Variants in KCNK2 observed in about 807,000 individuals in gnomAD.
The protein encoded by KCNK2 is potassium channel subfamily K member 2.
In KCNK2, 21 loss-of-function variants were observed where a neutral mutation model predicts 40.5. The ratio of observed to expected loss-of-function variants is 0.52; its 90% CI spans 0.37 to 0.75. The LOEUF is 0.75. Among genes scored for constraint, KCNK2 ranks in the 30% least tolerant of loss-of-function variants. The pLI is 0.00. For missense variants in KCNK2, 399 were observed against 531.6 expected, an observed-to-expected ratio of 0.75 and a Z score of 2.45; for synonymous variants, 191 against 202.2, an observed-to-expected ratio of 0.94 and a Z score of 0.47.
At chr1:215,119,403 T>C (rs1661083121) in intron 2 of KCNK2, among the ~76,000 whole-genome samples, 1 of 152,180 alleles carries the variant, frequency 6.6e-6, no homozygotes, top group African/African-American at 2.4e-5. Context: ...AAAGCCACCA[T>C]TGTCATGGAA....
chr1:215,203,969 T>A (rs550112742), intron 6 of KCNK2, among the ~76,000 whole-genome samples: 6 of 119,640 alleles, frequency 5.0e-5, no homozygotes, highest in South Asian at 5.7e-4. Context: ...ACCCGGGAGG[T>A]GGAGCTTGCA....
chr1:215,105,359 AGC>A (rs1217573960), intron 2 of KCNK2, among the ~76,000 whole-genome samples: 19 of 152,212 alleles, frequency 1.2e-4, no homozygotes, highest in African/African-American at 3.8e-4. Context: ...TGGTTTACTT[AGC>A]GTAGTATTAT....
intron 3 of KCNK2, among the ~76,000 whole-genome samples, chr1:215,162,320 G>C (rs1399673460): frequency 3.9e-5 from 6 of 151,996 alleles, no homozygotes; most frequent in Non-Finnish European, 5.9e-5. Flanking sequence ...CTGGATATTA[G>C]CCCTTTGTCA....
intron 1 of KCNK2, among the ~76,000 whole-genome samples, chr1:215,036,317 C>A (rs1379147422): frequency 6.6e-6 from 1 of 151,840 alleles, no homozygotes; most frequent in Non-Finnish European, 1.5e-5. Flanking sequence ...CACTGAAATT[C>A]TCTGATGCCT....
intron 3 of KCNK2, among the ~76,000 whole-genome samples, chr1:215,148,084 T>TTTC (rs1662511361): frequency 1.9e-4 from 2 of 10,488 alleles, no homozygotes; most frequent in African/African-American, 8.6e-4. Context: ...CTTTTCCTTT[T>TTTC]TTTTTTTTTT....
rs536934197 is a variant in KCNK2, at chr1:215,194,763, T to C, written c.824-190T>C. ...TTTCATTAAGAAAAACAACTTGTTC[T>C]TGAAAAATAGGTAAGAATTACGAGT... On this transcript the variant is annotated intron_variant, in intron 5 of 6. Transcript: ENST00000444842. Among the ~76,000 whole-genome samples, 80 of 152,254 alleles carry C rather than the reference T, an allele frequency of 5.3e-4. 1 individual carries two copies. The highest frequency in any genetic ancestry group is 1.2e-3 in the South Asian group (6 of 4,826).
intron 6 of KCNK2, among the ~76,000 whole-genome samples, chr1:215,196,222 T>C (rs944187511): frequency 1.3e-5 from 2 of 152,032 alleles, no homozygotes; most frequent in Non-Finnish European, 2.9e-5. Flanking sequence ...TATCTGGGAC[T>C]ACAGGCTCAC....
intron 2 of KCNK2, among the ~76,000 whole-genome samples, chr1:215,107,321 C>T (rs1181856367): frequency 6.6e-6 from 1 of 151,836 alleles, no homozygotes; most frequent in Non-Finnish European, 1.5e-5. Flanking sequence ...TAGACGTATT[C>T]CTAGGTATTT....
chr1:215,219,996 T>C (rs534078547), intron 6 of KCNK2, among the ~76,000 whole-genome samples: 1 of 152,216 alleles, frequency 6.6e-6, no homozygotes, highest in African/African-American at 2.4e-5. Flanking sequence ...CAAGGTGCCA[T>C]GATTTCTTTT....
chr1:215,052,472 T>A (rs1389281377), intron 1 of KCNK2, among the ~76,000 whole-genome samples: 2 of 152,150 alleles, frequency 1.3e-5, no homozygotes, highest in Non-Finnish European at 2.9e-5. Flanking sequence ...AGGATAAACA[T>A]TGGAATTTCA....
chr1:215,021,668 C>T (rs903298489), intron 1 of KCNK2, among the ~76,000 whole-genome samples: 3 of 151,286 alleles, frequency 2.0e-5, no homozygotes, highest in Non-Finnish European at 2.9e-5. Context: ...GCCTCAGCCT[C>T]CCGATTAACT....
chr1:215,200,045 C>T (rs1665019611), intron 6 of KCNK2, among the ~76,000 whole-genome samples: 1 of 152,186 alleles, frequency 6.6e-6, no homozygotes, highest in Non-Finnish European at 1.5e-5. Flanking sequence ...GGCACCACAG[C>T]TGGCCACAGT....
intron 3 of KCNK2, among the ~76,000 whole-genome samples, chr1:215,155,879 T>C (rs539036138): frequency 2.0e-5 from 3 of 152,318 alleles, no homozygotes; most frequent in Non-Finnish European, 4.4e-5. Context: ...AGTTTTTCTT[T>C]TACTATACCC....
chr1:215,128,801 A>C (rs1214231591), intron 3 of KCNK2, among the ~76,000 whole-genome samples: 1 of 152,222 alleles, frequency 6.6e-6, no homozygotes, highest in Non-Finnish European at 1.5e-5. Flanking sequence ...GAATTGTTTA[A>C]AGAAGAATTG....
chr1:215,094,893 T>C (rs986748797), intron 2 of KCNK2, among the ~76,000 whole-genome samples: 3 of 152,082 alleles, frequency 2.0e-5, no homozygotes, highest in Admixed American at 6.6e-5. Flanking sequence ...GGATGGTTAT[T>C]TGAGAATGAG....
At chr1:215,147,543 G>T (rs907288669) in intron 3 of KCNK2, among the ~76,000 whole-genome samples, 2 of 152,072 alleles carry the variant, frequency 1.3e-5, no homozygotes, top group Non-Finnish European at 2.9e-5. Context: ...CTAAAAACAC[G>T]AGATGTGGCC....
At chr1:215,171,942 C>G in intron 4 of KCNK2, 55 bp from the exon 5 acceptor site, 1 of 1,031,522 alleles carries the variant, frequency 9.7e-7, no homozygotes, top group South Asian at 1.9e-5. Flanking sequence ...CTCTCTCTCT[C>G]CCCCCATTTA....
chr1:215,061,103 C>A (rs1183460418), intron 1 of KCNK2, among the ~76,000 whole-genome samples: 2 of 152,056 alleles, frequency 1.3e-5, no homozygotes, highest in African/African-American at 4.8e-5. Flanking sequence ...ACTTACTACA[C>A]CATTTTTCCT....
intron 3 of KCNK2, among the ~76,000 whole-genome samples, chr1:215,155,024 T>C (rs1375191461): frequency 3.9e-5 from 6 of 152,206 alleles, no homozygotes; most frequent in Non-Finnish European, 8.8e-5. Context: ...AGTAGTTACA[T>C]TTAAAGAATT....
Sources: gnomAD v4.1 joint callset for allele counts (sites outside exome capture counted in the v4.1 genomes callset) on GRCh38, gnomAD v4.1.1 for gene constraint, MANE v1.5 for transcripts, NCBI Gene and HGNC (gene_info 2026-07-23, HGNC 2026-07-21) for gene names.